CLSTN1: variants seen among roughly 807,000 people sequenced by gnomAD.
The protein encoded by CLSTN1 is calsyntenin-1.
Under a neutral mutation model 108.3 loss-of-function variants are expected in CLSTN1, and 28 were observed. The ratio of observed to expected loss-of-function variants is 0.26; its 90% CI spans 0.19 to 0.35. The LOEUF (loss-of-function observed/expected upper bound fraction) is 0.35, where lower values mean the gene tolerates loss of function less well. CLSTN1 is among the 10% of genes least tolerant of loss of function. The pLI is 1.00. For missense variants in CLSTN1, 1,157 were observed against 1,302.6 expected (o/e 0.89, Z 1.72); for synonymous variants, 524 against 534.9 (o/e 0.98, Z 0.28).
At chr1:9,796,541 G>A (rs1047043323) in intron 1 of CLSTN1, among the ~76,000 whole-genome samples, 6 of 150,610 alleles carry the variant, frequency 4.0e-5, no homozygotes, top group African/African-American at 1.2e-4. Flanking sequence ...AAAATTAGCC[G>A]GACGTGGTGG....
At chr1:9,820,006 C>T (rs1322948724) in intron 1 of CLSTN1, among the ~76,000 whole-genome samples, 1 of 151,870 alleles carries the variant, frequency 6.6e-6, no homozygotes, top group Non-Finnish European at 1.5e-5. Flanking sequence ...CCCAATACTG[C>T]AACCAACAGA....
intron 1 of CLSTN1, among the ~76,000 whole-genome samples, chr1:9,791,423 G>A (rs1364182926): frequency 6.6e-6 from 1 of 151,408 alleles, no homozygotes; most frequent in Non-Finnish European, 1.5e-5. Flanking sequence ...TGTAGAGAAG[G>A]CGGTCTCACT....
At chr1:9,735,315 A>G (rs1417532236) in intron 13 of CLSTN1, 141 bp from the exon 14 acceptor site, 7 of 1,361,112 alleles carry the variant, frequency 5.1e-6, no homozygotes, top group Non-Finnish European at 7.2e-6. Context: ...TGCAAACAAG[A>G]TGCGTAAATA....
At chr1:9,810,536 A>G (rs564300328) in intron 1 of CLSTN1, among the ~76,000 whole-genome samples, 1 of 151,386 alleles carries the variant, frequency 6.6e-6, no homozygotes, top group African/African-American at 2.4e-5. Context: ...GCACTTTGGG[A>G]GGCCACAGCA....
rs929552564 is a variant in CLSTN1 at position 9,786,066 on chromosome 1, G to A, written c.92-12672C>T. ...GGTGGTACACTTGGGAGCTACTTGG[G>A]ACCTCCCAGCTACTCGGGAGGCTGA... On this transcript the variant is annotated intron_variant, in intron 1 of 18. Coordinates refer to ENST00000377298, the MANE Select transcript of CLSTN1 (RefSeq NM_001009566.3). Among the ~76,000 whole-genome samples, 6 of 152,106 alleles carry A rather than the reference G, an allele frequency of 3.9e-5. No homozygotes were observed. In the East Asian group the frequency reaches 1.2e-3, roughly 30 times the overall value.
chr1:9,820,077 T>C (rs543041049), intron 1 of CLSTN1, among the ~76,000 whole-genome samples: 2 of 152,020 alleles, frequency 1.3e-5, no homozygotes, highest in African/African-American at 4.8e-5. Flanking sequence ...TTTCACCATG[T>C]TGCCCAGGCT....
Position 9,734,673 on chromosome 1 carries a change from T to C in CLSTN1, c.2110+275A>G, listed in dbSNP as rs905595047. On this transcript the variant is annotated intron_variant, in intron 14 of 18. Coordinates refer to ENST00000377298, the MANE Select transcript of CLSTN1 (RefSeq NM_001009566.3). The surrounding 1 kb of genome is among the most constrained non-coding windows in gnomAD (Gnocchi z 4.8). ...TGGCCAGCCTGGCAGGTGCAAGCAGTGTCTCCCGTAAGTGCCCTCAACCCC... is the reference window on the plus strand; with the variant it reads ...TGGCCAGCCTGGCAGGTGCAAGCAGCGTCTCCCGTAAGTGCCCTCAACCCC... Among the ~76,000 whole-genome samples, 16 of 151,360 alleles carry C rather than the reference T, an allele frequency of 1.1e-4. No individual in the cohort carries two copies. Among genetic ancestry groups the C allele is most frequent in the Non-Finnish European group, 2.1e-4 (14 of 67,906 alleles).
intron 2 of CLSTN1, among the ~76,000 whole-genome samples, chr1:9,764,251 C>T (rs1160817089): frequency 6.6e-6 from 1 of 151,898 alleles, no homozygotes; most frequent in Non-Finnish European, 1.5e-5. Context: ...ACCACCTCAC[C>T]CCCATAGCCA....
At chr1:9,815,751 C>A (rs943787368) in intron 1 of CLSTN1, among the ~76,000 whole-genome samples, 1 of 152,164 alleles carries the variant, frequency 6.6e-6, no homozygotes, top group Non-Finnish European at 1.5e-5. Context: ...GCCTGGCCAA[C>A]ATGGTGAAAC....
At chr1:9,775,083 A>T (rs368783816) in intron 1 of CLSTN1, among the ~76,000 whole-genome samples, 1 of 152,146 alleles carries the variant, frequency 6.6e-6, no homozygotes, top group African/African-American at 2.4e-5. Flanking sequence ...TTTTGTCCCC[A>T]TCTTGGTTTT....
chr1:9,732,495 G>A (rs1008602424), intron 16 of CLSTN1, among the ~76,000 whole-genome samples: 1 of 152,228 alleles, frequency 6.6e-6, no homozygotes, highest in African/African-American at 2.4e-5. Flanking sequence ...ACAGCCGTGT[G>A]AAAGACAGCA....
intron 1 of CLSTN1, among the ~76,000 whole-genome samples, chr1:9,817,124 T>C (rs1474301224): frequency 6.6e-6 from 1 of 152,152 alleles, no homozygotes; most frequent in African/African-American, 2.4e-5. Flanking sequence ...CTCGGCTCTT[T>C]GAGAGGATGA....
chr1:9,768,847 G>A (rs1652511411), intron 2 of CLSTN1, among the ~76,000 whole-genome samples: 1 of 150,452 alleles, frequency 6.6e-6, no homozygotes, highest in African/African-American at 2.4e-5. Flanking sequence ...GCACCACGGG[G>A]GTGGGGTTCT....
At chr1:9,751,443 T>C (rs1354661847) in intron 5 of CLSTN1, 30 bp downstream of exon 5, 2 of 1,609,440 alleles carry the variant, frequency 1.2e-6, no homozygotes, top group Non-Finnish European at 1.7e-6. Flanking sequence ...ACTGTCTACC[T>C]AGCTGAAAAG....
Position 9,733,482 on chromosome 1 carries a change from G to A in CLSTN1, c.2346C>T (p.Ala782=), listed in dbSNP as rs1650515453. Reference sequence around the variant, plus strand: ...TAAACTTCCGGTCAAGCAAGGACCTGGCATGCCAGTTCCGATAGCGCAGCA... The same window carrying A: ...TAAACTTCCGGTCAAGCAAGGACCTAGCATGCCAGTTCCGATAGCGCAGCA... ...LHLLRYRNWH[A]RSLLDRKFKL... is the part of the protein sequence containing the mutation. The change falls in exon 16 of 19, where the codon GCC becomes GCT. Residue 782 remains alanine (A), a synonymous_variant. Transcript: ENST00000377298. 2 of 1,614,080 alleles carry A rather than the reference G, an allele frequency of 1.2e-6. No individual in the cohort carries two copies. Among genetic ancestry groups the A allele is most frequent in the Admixed American group, 3.3e-5 (2 of 60,002 alleles).
intron 11 of CLSTN1, 73 bp from the exon 12 acceptor site, chr1:9,736,115 C>T (rs1164556350): frequency 1.0e-5 from 16 of 1,575,570 alleles, no homozygotes; most frequent in East Asian, 4.5e-5. Context: ...TCACTCAACA[C>T]GGTGTTACCG....
At chr1:9,808,563 CA>C (rs1194378222) in intron 1 of CLSTN1, among the ~76,000 whole-genome samples, 7 of 152,100 alleles carry the variant, frequency 4.6e-5, no homozygotes, top group Non-Finnish European at 1.0e-4. Context: ...TGTATCAAGA[CA>C]AAGCTAGGTT....
intron 1 of CLSTN1, 137 bp from the exon 2 acceptor site, chr1:9,773,531 G>T: frequency 1.2e-6 from 1 of 819,596 alleles, no homozygotes; most frequent in Non-Finnish European, 1.7e-6. Flanking sequence ...CAGTTCTGTC[G>T]CAAAATTTGG....
intron 2 of CLSTN1, among the ~76,000 whole-genome samples, chr1:9,764,194 C>A (rs1486049350): frequency 2.0e-5 from 3 of 151,920 alleles, no homozygotes; most frequent in East Asian, 3.9e-4. Flanking sequence ...GCAATGAGCT[C>A]TTGTGGGAAC....
Sources: gnomAD v4.1 joint callset for allele counts (sites outside exome capture counted in the v4.1 genomes callset) on GRCh38, gnomAD v4.1.1 for gene constraint, Gnocchi (gnomAD v3.1) non-coding constraint, MANE v1.5 for transcripts, NCBI Gene and HGNC (gene_info 2026-07-23, HGNC 2026-07-21) for gene names.